TAX1BP1: variants seen among roughly 807,000 people sequenced by gnomAD.
TAX1BP1 encodes Tax1 binding protein 1.
TAX1BP1 carries 62 observed loss-of-function variants against 97.7 expected under a neutral mutation model. The observed-to-expected ratio is 0.63, with a 90% CI of 0.52 to 0.78. The LOEUF (loss-of-function observed/expected upper bound fraction) is 0.78, where lower values mean the gene tolerates loss of function less well. Ranked by LOEUF, TAX1BP1 falls within the 30% of genes least tolerant of loss-of-function variation. TAX1BP1 has a pLI of 0.00. For missense variants in TAX1BP1, 867 were observed against 916.1 expected (o/e 0.95, Z 0.69); for synonymous variants, 340 against 304.2 (o/e 1.12, Z -1.23).
chr7:27,811,927 T>G (rs1278217118), intron 13 of TAX1BP1, among the ~76,000 whole-genome samples: 1 of 152,254 alleles, frequency 6.6e-6, no homozygotes, highest in South Asian at 2.1e-4. Flanking sequence ...ATTTCTGATA[T>G]TTTGCTATTA....
chr7:27,810,015 C>A (rs548171482), intron 13 of TAX1BP1, among the ~76,000 whole-genome samples: 1 of 151,994 alleles, frequency 6.6e-6, no homozygotes, highest in South Asian at 2.1e-4. Context: ...TCAAGCAATT[C>A]TCCTGCTGCA....
chr7:27,759,481 T>G (rs1788347157), intron 3 of TAX1BP1, among the ~76,000 whole-genome samples: 1 of 152,148 alleles, frequency 6.6e-6, no homozygotes, highest in Non-Finnish European at 1.5e-5. Flanking sequence ...AATATAATGT[T>G]TTTCTCCATT....
intron 1 of TAX1BP1, among the ~76,000 whole-genome samples, chr7:27,748,179 G>T (rs1182908181): frequency 6.6e-6 from 1 of 152,090 alleles, no homozygotes; most frequent in Non-Finnish European, 1.5e-5. Flanking sequence ...GTTTATATTG[G>T]CAGCGTGTGC....
At chr7:27,781,038 T>TA (rs543570931) in intron 5 of TAX1BP1, among the ~76,000 whole-genome samples, 28 of 151,432 alleles carry the variant, frequency 1.8e-4, no homozygotes, top group Non-Finnish European at 3.0e-4. Context: ...AACCTAATGT[T>TA]AAAAAAAAAT....
Position 27,829,059 on chromosome 7 carries a change from G to T in TAX1BP1, c.*230G>T, listed in dbSNP as rs2091802530. The stretch of plus-strand genomic sequence containing the variant: ...TTACCTGCTTTAAAAAAAAGTTCTT[G>T]TGTGTTCGTATCTTTATTTATTCCC... On this transcript the variant is annotated 3_prime_UTR_variant, in exon 17 of 17. Coordinates refer to ENST00000396319, the MANE Select transcript of TAX1BP1 (RefSeq NM_006024.7). The T allele has an allele frequency of 2.5e-6, 1 of 406,940 alleles. No homozygotes were observed. The highest frequency in any genetic ancestry group is 2.0e-5 in the African/African-American group (1 of 48,860). 25.2% of individuals were successfully genotyped at this position (406,940 alleles called of 1,614,324 possible).
At chr7:27,788,061 G>A (rs751260685) in intron 8 of TAX1BP1, among the ~76,000 whole-genome samples, 3 of 151,822 alleles carry the variant, frequency 2.0e-5, no homozygotes, top group Non-Finnish European at 2.9e-5. Context: ...TTTGATTGTT[G>A]TATTTTGAGT....
At chr7:27,799,723 A>G (rs1483778305) in intron 12 of TAX1BP1, among the ~76,000 whole-genome samples, 1 of 152,182 alleles carries the variant, frequency 6.6e-6, no homozygotes, top group Non-Finnish European at 1.5e-5. Flanking sequence ...CAATTAATGT[A>G]TCTTAACATT....
chr7:27,788,943 A>G (rs1789595285), intron 8 of TAX1BP1, among the ~76,000 whole-genome samples: 1 of 151,940 alleles, frequency 6.6e-6, no homozygotes, highest in South Asian at 2.1e-4. Context: ...GATAGCTCCA[A>G]TTCAGATTTA....
intron 4 of TAX1BP1, among the ~76,000 whole-genome samples, chr7:27,767,295 A>G (rs910105633): frequency 4.6e-5 from 7 of 151,914 alleles, no homozygotes; most frequent in African/African-American, 1.7e-4. Context: ...CTTTTTCTTT[A>G]TAGTTGGATA....
chr7:27,797,931 T>C (rs992226431), intron 12 of TAX1BP1, among the ~76,000 whole-genome samples: 40 of 152,080 alleles, frequency 2.6e-4, no homozygotes, highest in Admixed American at 1.3e-4. Context: ...GGATCAGTTT[T>C]GACATACACA....
chr7:27,770,554 T>G (rs1187913509), intron 5 of TAX1BP1, among the ~76,000 whole-genome samples: 1 of 152,084 alleles, frequency 6.6e-6, no homozygotes, highest in African/African-American at 2.4e-5. Context: ...TTATGCCCAT[T>G]TACAGTATTG....
chr7:27,753,167 GTGCATGCTGGTAGTCCCAGC>G (rs1206189427), intron 2 of TAX1BP1, among the ~76,000 whole-genome samples: 1 of 152,194 alleles, frequency 6.6e-6, no homozygotes, highest in African/African-American at 2.4e-5. Flanking sequence ...GGGTGTGGTG[GTGCATGCTGGTAGTCCCAGC>G]TACTCAGGAG....
chr7:27,761,148 A>C (rs1788411770), intron 3 of TAX1BP1, among the ~76,000 whole-genome samples: 1 of 152,218 alleles, frequency 6.6e-6, no homozygotes, highest in Admixed American at 6.5e-5. Flanking sequence ...CAGATTAATC[A>C]GCTTCAGATA....
intron 13 of TAX1BP1, chr7:27,803,319 C>T (rs999300800): frequency 2.2e-5 from 19 of 859,122 alleles, no homozygotes; most frequent in Admixed American, 3.7e-5. Context: ...CTAAAAATTA[C>T]GTGAAATGTT....
chr7:27,761,270 T>G (rs879338618), intron 3 of TAX1BP1, among the ~76,000 whole-genome samples: 1 of 152,194 alleles, frequency 6.6e-6, no homozygotes, highest in Non-Finnish European at 1.5e-5. Flanking sequence ...TTCCCTGCTT[T>G]CCTTTATTTT....
At chr7:27,761,604 G>T (rs992756433) in intron 3 of TAX1BP1, among the ~76,000 whole-genome samples, 1 of 152,100 alleles carries the variant, frequency 6.6e-6, no homozygotes, top group Non-Finnish European at 1.5e-5. Flanking sequence ...TTTCAGATTG[G>T]CTTCTTTTAC....
chr7:27,787,854 A>G (rs889287562), intron 8 of TAX1BP1, among the ~76,000 whole-genome samples: 1 of 152,048 alleles, frequency 6.6e-6, no homozygotes, highest in South Asian at 2.1e-4. Flanking sequence ...AATTTACTCT[A>G]AATACTTTAG....
intron 13 of TAX1BP1, among the ~76,000 whole-genome samples, chr7:27,809,196 C>A (rs1052742749): frequency 4.0e-5 from 6 of 151,852 alleles, no homozygotes; most frequent in Admixed American, 1.3e-4. Flanking sequence ...AAATGTAATT[C>A]GAAACAAATG....
chr7:27,823,329 C>CA (rs1199166304), intron 15 of TAX1BP1, among the ~76,000 whole-genome samples: 1 of 152,052 alleles, frequency 6.6e-6, no homozygotes, highest in Non-Finnish European at 1.5e-5. Flanking sequence ...TTGGCCTTAG[C>CA]AAATATGTAA....
Sources: gnomAD v4.1 joint callset for allele counts (sites outside exome capture counted in the v4.1 genomes callset) on GRCh38, gnomAD v4.1.1 for gene constraint, MANE v1.5 for transcripts, NCBI Gene and HGNC (gene_info 2026-07-23, HGNC 2026-07-21) for gene names.